Variants in TMEM71 observed in about 807,000 individuals in gnomAD.
The protein encoded by TMEM71 is transmembrane protein 71.
Under a neutral mutation model 38.0 loss-of-function variants are expected in TMEM71, and 44 were observed. The observed-to-expected ratio is 1.16, with a 90% CI of 0.91 to 1.49. TMEM71 has a LOEUF of 1.49. Among genes scored for constraint, TMEM71 ranks in the 40% most tolerant of loss-of-function variants. The probability of loss-of-function intolerance (pLI) is 0.00; values close to 1 mark genes in which losing one functional copy is unlikely to be tolerated. For missense variants in TMEM71, 367 were observed against 348.6 expected (o/e 1.05, Z -0.42); for synonymous variants, 133 against 122.5 (o/e 1.09, Z -0.56).
chr8:132,738,599 CA>C (rs768454894), intron 5 of TMEM71, among the ~76,000 whole-genome samples: 2 of 152,120 alleles, frequency 1.3e-5, no homozygotes, highest in Admixed American at 6.5e-5. Flanking sequence ...TTAAGAGAAT[CA>C]AAAAATATTC....
At chr8:132,723,578 A>G (rs1826968632) in intron 6 of TMEM71, among the ~76,000 whole-genome samples, 1 of 152,134 alleles carries the variant, frequency 6.6e-6, no homozygotes, top group Non-Finnish European at 1.5e-5. Flanking sequence ...TACCTTGTTC[A>G]TATCTCTGCT....
chr8:132,726,583 T>C (rs1827154145), intron 6 of TMEM71, among the ~76,000 whole-genome samples: 1 of 152,214 alleles, frequency 6.6e-6, no homozygotes, highest in Non-Finnish European at 1.5e-5. Context: ...TTTGGTAAAC[T>C]GCTTCTGAGT....
intron 5 of TMEM71, among the ~76,000 whole-genome samples, chr8:132,735,391 G>A (rs556463287): frequency 1.3e-5 from 2 of 152,286 alleles, no homozygotes; most frequent in South Asian, 4.1e-4. Flanking sequence ...ATTTAATTTT[G>A]ATTTCTTCTG....
chr8:132,768,249 G>A, the TMEM71 span, among the ~76,000 whole-genome samples: 1 of 152,126 alleles, frequency 6.6e-6, no homozygotes, highest in African/African-American at 2.4e-5. Flanking sequence ...TAAATTCATT[G>A]TAGTACTTTC....
chr8:132,752,653 T>C (rs1828778186), intron 3 of TMEM71, among the ~76,000 whole-genome samples: 1 of 151,984 alleles, frequency 6.6e-6, no homozygotes, highest in Admixed American at 6.6e-5. Flanking sequence ...AGGATCCCTT[T>C]AGCCCAGGAA....
At chr8:132,769,758 T>C in the TMEM71 span, among the ~76,000 whole-genome samples, 1 of 152,226 alleles carries the variant, frequency 6.6e-6, no homozygotes, top group Non-Finnish European at 1.5e-5. Context: ...TCCCAGCCTC[T>C]AGAACTGTTA....
chr8:132,716,442 G>T (rs1476361059), intron 7 of TMEM71, among the ~76,000 whole-genome samples: 2 of 152,136 alleles, frequency 1.3e-5, no homozygotes, highest in African/African-American at 4.8e-5. Context: ...CTGTAAAAAA[G>T]CTACTCAGAC....
At chr8:132,739,668 C>T (rs567614860) in intron 5 of TMEM71, among the ~76,000 whole-genome samples, 1 of 152,228 alleles carries the variant, frequency 6.6e-6, no homozygotes, top group South Asian at 2.1e-4. Context: ...CCCTGAACTT[C>T]AGTTTTATCA....
chr8:132,720,855 A>C (rs1222945665), intron 7 of TMEM71, among the ~76,000 whole-genome samples: 1 of 152,054 alleles, frequency 6.6e-6, no homozygotes, highest in Non-Finnish European at 1.5e-5. Context: ...ATATTGAAGA[A>C]CCCCTGGCAC....
intron 9 of TMEM71, among the ~76,000 whole-genome samples, chr8:132,711,319 A>G (rs940669678): frequency 3.9e-5 from 6 of 152,120 alleles, no homozygotes; most frequent in Non-Finnish European, 8.8e-5. Flanking sequence ...TTATATCAGT[A>G]TTTTAATTGC....
At chr8:132,716,908 G>A (rs1826565323) in intron 7 of TMEM71, among the ~76,000 whole-genome samples, 1 of 151,980 alleles carries the variant, frequency 6.6e-6, no homozygotes, top group Non-Finnish European at 1.5e-5. Flanking sequence ...TATGACATTT[G>A]GGTTGTTTCT....
chr8:132,747,955 A>T (rs1828485033), intron 4 of TMEM71, among the ~76,000 whole-genome samples: 1 of 152,232 alleles, frequency 6.6e-6, no homozygotes, highest in Non-Finnish European at 1.5e-5. Context: ...AATTGTTGGT[A>T]GCAGAGGGTG....
intron 5 of TMEM71, among the ~76,000 whole-genome samples, chr8:132,735,974 G>C (rs910767211): frequency 2.6e-5 from 4 of 152,218 alleles, no homozygotes; most frequent in Non-Finnish European, 5.9e-5. Context: ...TATTTAATAC[G>C]TGTGAAATAC....
the TMEM71 span, among the ~76,000 whole-genome samples, chr8:132,765,851 C>T: frequency 2.4e-4 from 36 of 151,228 alleles, no homozygotes; most frequent in Admixed American, 7.9e-4. Flanking sequence ...TGCAGTGGCA[C>T]GATCTCGGCT....
At chr8:132,754,040 C>T (rs573194188) in intron 3 of TMEM71, among the ~76,000 whole-genome samples, 1 of 152,260 alleles carries the variant, frequency 6.6e-6, no homozygotes, top group South Asian at 2.1e-4. Flanking sequence ...CCTTAGCTAT[C>T]ATAGTTTGAT....
Position 132,745,695 on chromosome 8 carries a change from A to T in TMEM71, c.487+1247T>A, listed in dbSNP as rs551982559. On this transcript the variant is annotated intron_variant, in intron 5 of 9. Transcript: ENST00000677595. ...GTATATATCCAAGAGGAAACAAATC[A>T]TTATACCAAAACAACTCATACACTC... Among the ~76,000 whole-genome samples the T allele has an allele frequency of 3.3e-5, 5 of 152,254 alleles. No homozygotes were observed. The South Asian group carries it at 1.0e-3, about 32-fold the overall frequency.
chr8:132,724,652 C>T (rs1827038065), intron 6 of TMEM71, among the ~76,000 whole-genome samples: 1 of 152,126 alleles, frequency 6.6e-6, no homozygotes, highest in African/African-American at 2.4e-5. Context: ...CATCACAGTG[C>T]TCCTGAGGTG....
At chr8:132,750,403 C>T (rs769109210) in intron 4 of TMEM71, among the ~76,000 whole-genome samples, 9 of 152,146 alleles carry the variant, frequency 5.9e-5, no homozygotes, top group East Asian at 1.9e-4. Flanking sequence ...GACTGATGCA[C>T]ACAGAGGCTT....
intron 7 of TMEM71, among the ~76,000 whole-genome samples, chr8:132,720,951 A>G (rs981802749): frequency 1.7e-4 from 26 of 152,212 alleles, no homozygotes; most frequent in Admixed American, 1.7e-3. Context: ...TCCCATTAAA[A>G]CTTCAACAGC....
Sources: gnomAD v4.1 joint callset for allele counts (sites outside exome capture counted in the v4.1 genomes callset) on GRCh38, gnomAD v4.1.1 for gene constraint, MANE v1.5 for transcripts, NCBI Gene and HGNC (gene_info 2026-07-23, HGNC 2026-07-21) for gene names.